SDCCAG8: variants seen among roughly 807,000 people sequenced by gnomAD.
SDCCAG8 encodes SHH signaling and ciliogenesis regulator SDCCAG8, also known as serologically defined colon cancer antigen 8.
SDCCAG8 carries 74 observed loss-of-function variants against 101.8 expected under a neutral mutation model. The observed-to-expected ratio is 0.73, with a 90% confidence interval of 0.60 to 0.88. The LOEUF (loss-of-function observed/expected upper bound fraction) is 0.88, where lower values mean the gene tolerates loss of function less well. SDCCAG8 is among the 40% of genes least tolerant of loss of function. SDCCAG8 has a pLI of 0.00. For missense variants in SDCCAG8, 787 were observed against 822.6 expected, an observed-to-expected ratio of 0.96 and a Z score of 0.53; for synonymous variants, 281 against 292.9, an observed-to-expected ratio of 0.96 and a Z score of 0.41.
Position 243,308,166 on chromosome 1 carries a change from A to C in SDCCAG8, c.918A>C (p.Glu306Asp), listed in dbSNP as rs770183847. 3.7e-6 allele frequency: 6 copies of C among 1,614,058 alleles called. No homozygotes were observed. The African/African-American group carries it at 6.7e-5, about 18-fold the overall frequency. ...THTNVHMQTI[E>D]RLVKERDDLM... is the part of the protein sequence containing the mutation. ...CTAATGTTCATATGCAGACCATCGAAAGACTGGTTAAGTAAGTATGCTTCT... is the reference window on the plus strand; with the variant it reads ...CTAATGTTCATATGCAGACCATCGACAGACTGGTTAAGTAAGTATGCTTCT... The change falls in exon 8 of 18, where the codon GAA becomes GAC. Residue 306 changes from glutamate (E) to aspartate (D), a missense_variant. Coordinates refer to ENST00000366541, the MANE Select transcript of SDCCAG8 (RefSeq NM_006642.5).
chr1:243,331,424 G>A (rs2074583359), intron 10 of SDCCAG8, among the ~76,000 whole-genome samples: 2 of 152,306 alleles, frequency 1.3e-5, no homozygotes, highest in South Asian at 4.1e-4. Flanking sequence ...GTTGTTATCA[G>A]ATTCAATGTG....
chr1:243,463,123 A>G (rs532645405), intron 16 of SDCCAG8, among the ~76,000 whole-genome samples: 6 of 152,236 alleles, frequency 3.9e-5, no homozygotes, highest in East Asian at 1.9e-4. Flanking sequence ...AGCTGCATGT[A>G]TTGGACACTG....
At chr1:243,415,134 G>A (rs909941879) in intron 13 of SDCCAG8, among the ~76,000 whole-genome samples, 19 of 152,020 alleles carry the variant, frequency 1.2e-4, no homozygotes, top group African/African-American at 4.1e-4. Flanking sequence ...GAAGTTATTC[G>A]TATTCATATT....
chr1:243,399,759 C>G (rs1573819581), intron 13 of SDCCAG8, among the ~76,000 whole-genome samples: 1 of 152,144 alleles, frequency 6.6e-6, no homozygotes, highest in East Asian at 1.9e-4. Context: ...GATCACCTGC[C>G]TCGGCCTCCC....
At chr1:243,345,265 A>C (rs1051249828) in intron 12 of SDCCAG8, among the ~76,000 whole-genome samples, 1 of 152,214 alleles carries the variant, frequency 6.6e-6, no homozygotes, top group Non-Finnish European at 1.5e-5. Flanking sequence ...AAAGTATTGA[A>C]AATGAAAGTG....
rs141511338 is a variant in SDCCAG8, at chr1:243,281,649, G to C, written c.421-4623G>C. Among the ~76,000 whole-genome samples, 32 of 113,576 alleles carry C rather than the reference G, an allele frequency of 2.8e-4. No homozygotes were observed. In the East Asian group the frequency reaches 9.5e-3, roughly 34 times the overall value. 74.5% of individuals were successfully genotyped at this position (113,576 alleles called of 152,430 possible). A position where few individuals can be genotyped will look rare whatever the true frequency, so the allele number is the denominator to read the frequency against. ...ATTCACTCTTTTTCTGCCTTCTCTG[G>C]CTTTTTTTTTTTTTTTTTTAGAGAT... On this transcript the variant is annotated intron_variant, in intron 4 of 17. Transcript: ENST00000366541.
intron 1 of SDCCAG8, among the ~76,000 whole-genome samples, chr1:243,266,296 C>T (rs1216214398): frequency 6.6e-6 from 1 of 151,618 alleles, no homozygotes; most frequent in Non-Finnish European, 1.5e-5. Flanking sequence ...ACCCTTTGAC[C>T]ATCACTGAAT....
At chr1:243,348,380 C>T (rs1009027702) in intron 12 of SDCCAG8, among the ~76,000 whole-genome samples, 9 of 151,806 alleles carry the variant, frequency 5.9e-5, no homozygotes, top group Admixed American at 5.2e-4. Context: ...CCCTGTCCAG[C>T]TCTAAGATGG....
Position 243,378,655 on chromosome 1 carries a change from G to A in SDCCAG8, c.1474-66G>A. The A allele has an allele frequency of 3.9e-6, 6 of 1,529,048 alleles. No individual in the cohort carries two copies. In the South Asian group the frequency reaches 5.8e-5, roughly 15 times the overall value. The allele number at this position is 1,529,048 out of a possible 1,614,324, so 94.7% of individuals were successfully genotyped here. A position where few individuals can be genotyped will look rare whatever the true frequency, so the allele number is the denominator to read the frequency against. On this transcript the variant is annotated intron_variant, in intron 12 of 17. Transcript: ENST00000366541. Reference sequence around the variant, plus strand: ...GAAATTCATGGCAAAAAATAAAAATGAGCTAATTTTGAATTCAAGTGCATG... The same window carrying A: ...GAAATTCATGGCAAAAAATAAAAATAAGCTAATTTTGAATTCAAGTGCATG...
At chr1:243,361,377 A>G (rs2076702437) in intron 12 of SDCCAG8, among the ~76,000 whole-genome samples, 1 of 152,146 alleles carries the variant, frequency 6.6e-6, no homozygotes, top group Non-Finnish European at 1.5e-5. Context: ...ATCTTTCCTT[A>G]TCACAACCTT....
In SDCCAG8 at chr1:243,425,341, TGAAAAC is replaced by T; in HGVS notation, c.1854-1085_1854-1080del. Among the ~76,000 whole-genome samples the T allele has an allele frequency of 1.3e-5, 2 of 152,236 alleles. 1 individual carries two copies. Among genetic ancestry groups the T allele is most frequent in the South Asian group, 4.1e-4 (2 of 4,828 alleles). On this transcript the variant is annotated intron_variant, in intron 15 of 17. Transcript: ENST00000366541. ...CTTTTGGATGACATTTGAACCAAGA[TGAAAAC>T]AAAATGAAGAATGAGGTGAACTAAA... is the stretch of plus-strand genomic sequence containing the variant.
chr1:243,461,857 C>T (rs1268051044), intron 16 of SDCCAG8, among the ~76,000 whole-genome samples: 1 of 152,164 alleles, frequency 6.6e-6, no homozygotes, highest in Non-Finnish European at 1.5e-5. Flanking sequence ...GCCCACAGCC[C>T]TCACACACAT....
intron 15 of SDCCAG8, among the ~76,000 whole-genome samples, chr1:243,422,418 A>G (rs1236894400): frequency 6.6e-6 from 1 of 152,222 alleles, no homozygotes; most frequent in East Asian, 1.9e-4. Context: ...ATGAGAAACA[A>G]ATTTTATAAT....
At chr1:243,481,596 A>T (rs1304421161) in intron 16 of SDCCAG8, among the ~76,000 whole-genome samples, 1 of 152,200 alleles carries the variant, frequency 6.6e-6, no homozygotes, top group Non-Finnish European at 1.5e-5. Flanking sequence ...TTTGAAATCC[A>T]TATGTTGTTT....
intron 9 of SDCCAG8, among the ~76,000 whole-genome samples, chr1:243,317,467 C>T (rs1021867294): frequency 7.9e-5 from 12 of 152,038 alleles, no homozygotes; most frequent in Non-Finnish European, 5.9e-5. Context: ...ATTACAGACA[C>T]GGGCCATCAT....
intron 9 of SDCCAG8, chr1:243,318,527 G>A (rs2073466536): frequency 2.0e-6 from 2 of 984,362 alleles, no homozygotes; most frequent in Admixed American, 1.2e-4. Context: ...AAAAAATTAG[G>A]GCTATTCAAT....
chr1:243,372,767 G>A (rs1441751165), intron 12 of SDCCAG8, among the ~76,000 whole-genome samples: 2 of 151,380 alleles, frequency 1.3e-5, no homozygotes, highest in Non-Finnish European at 2.9e-5. Context: ...GGCTGAGGTG[G>A]GAGGATTGCT....
intron 16 of SDCCAG8, among the ~76,000 whole-genome samples, chr1:243,460,430 TCA>T (rs1658843728): frequency 6.6e-6 from 1 of 152,178 alleles, no homozygotes; most frequent in Admixed American, 6.5e-5. Flanking sequence ...GAACAGTCAC[TCA>T]CAGTCCACCC....
chr1:243,490,542 C>T (rs1381313644), intron 17 of SDCCAG8, among the ~76,000 whole-genome samples: 1 of 152,244 alleles, frequency 6.6e-6, no homozygotes, highest in East Asian at 1.9e-4. Flanking sequence ...GCTGAATCCC[C>T]TGCCCCCGCT....
Sources: gnomAD v4.1 joint callset for allele counts (sites outside exome capture counted in the v4.1 genomes callset) on GRCh38, gnomAD v4.1.1 for gene constraint, MANE v1.5 for transcripts, NCBI Gene and HGNC (gene_info 2026-07-23, HGNC 2026-07-21) for gene names.